NCOR1: variants seen among roughly 807,000 people sequenced by gnomAD.
NCOR1 encodes the protein nuclear receptor corepressor 1.
NCOR1 carries 63 observed loss-of-function variants against 288.1 expected under a neutral mutation model. The ratio of observed to expected loss-of-function variants is 0.22; its 90% confidence interval spans 0.18 to 0.27. The LOEUF (loss-of-function observed/expected upper bound fraction) is 0.27. Ranked by LOEUF, NCOR1 falls within the 10% of genes least tolerant of loss-of-function variation. The pLI is 1.00. For missense variants in NCOR1, 2,397 were observed against 3,019.2 expected (o/e 0.79, Z 4.83); for synonymous variants, 1,007 against 1,065.9 (o/e 0.94, Z 1.08).
At position 16,186,706 on chromosome 17, in the gene NCOR1, T is replaced by C; in HGVS notation, c.109-19A>G. ...CGAACTCCTAGTATTAAAATAATCA[T>C]AAATCAATTATTAACCAAAAACTGA... On this transcript the variant is annotated intron_variant, in intron 2 of 45. Transcript: ENST00000268712. The C allele has an allele frequency of 6.2e-7, 1 of 1,605,608 alleles. No homozygotes were observed. The highest frequency in any genetic ancestry group is 1.3e-5 in the African/African-American group (1 of 74,776).
At chr17:16,112,949 C>T (rs987066874) in intron 18 of NCOR1, among the ~76,000 whole-genome samples, 7 of 152,096 alleles carry the variant, frequency 4.6e-5, no homozygotes, top group Non-Finnish European at 8.8e-5. Flanking sequence ...CTCGCTCTGT[C>T]GCCTAGGCTG....
chr17:16,155,260 AG>A (rs2079536874), intron 6 of NCOR1, among the ~76,000 whole-genome samples: 1 of 151,376 alleles, frequency 6.6e-6, no homozygotes, highest in Non-Finnish European at 1.5e-5. Flanking sequence ...CTGAGGCGGG[AG>A]AATCACTTGA....
chr17:16,182,616 G>A (rs913236546), intron 3 of NCOR1, among the ~76,000 whole-genome samples: 6 of 151,948 alleles, frequency 3.9e-5, no homozygotes, highest in African/African-American at 9.7e-5. Context: ...CACCACGCCC[G>A]GCTAATGTTT....
chr17:16,071,883 C>T (rs1230895796), intron 29 of NCOR1, among the ~76,000 whole-genome samples: 1 of 152,046 alleles, frequency 6.6e-6, no homozygotes, highest in African/African-American at 2.4e-5. Context: ...TTTAGGGTTG[C>T]TTGAGATATG....
chr17:16,112,772 A>G (rs556462686), intron 18 of NCOR1, among the ~76,000 whole-genome samples: 1 of 152,296 alleles, frequency 6.6e-6, no homozygotes, highest in East Asian at 1.9e-4. Context: ...TAAAGGCGTG[A>G]GCCACTGCAC....
chr17:16,209,005 C>T (rs148611832), intron 1 of NCOR1, among the ~76,000 whole-genome samples: 1,688 of 152,188 alleles, frequency 0.011, 37 homozygotes, highest in African/African-American at 0.038. Context: ...ACTCTAGCTG[C>T]TAAGCTCATT....
At chr17:16,168,094 CAAAT>C (rs1186480916) in intron 4 of NCOR1, among the ~76,000 whole-genome samples, 3 of 152,012 alleles carry the variant, frequency 2.0e-5, no homozygotes, top group South Asian at 4.1e-4. Context: ...GTTTTACTAA[CAAAT>C]AATAAGTGTA....
intron 1 of NCOR1, among the ~76,000 whole-genome samples, chr17:16,199,216 A>AAAAAACACACACAC (rs1337668798): frequency 3.3e-5 from 4 of 122,320 alleles, no homozygotes; most frequent in Non-Finnish European, 4.9e-5. Context: ...AAAAAAAAAA[A>AAAAAACACACACAC]ACACACACAC....
At chr17:16,058,103 C>T in intron 38 of NCOR1, 39 bp from the exon 39 acceptor site, 1 of 1,598,750 alleles carries the variant, frequency 6.3e-7, no homozygotes, top group South Asian at 1.1e-5. Flanking sequence ...CCAGGAATGT[C>T]TGTGCTTTTC....
intron 9 of NCOR1, among the ~76,000 whole-genome samples, chr17:16,148,275 C>T (rs762222506): frequency 2.0e-5 from 3 of 152,128 alleles, no homozygotes; most frequent in Non-Finnish European, 4.4e-5. Flanking sequence ...TAAGCCACTC[C>T]CTCTGCGTAT....
intron 11 of NCOR1, among the ~76,000 whole-genome samples, chr17:16,141,949 A>T (rs1347529249): frequency 2.0e-5 from 3 of 152,168 alleles, no homozygotes; most frequent in Non-Finnish European, 4.4e-5. Flanking sequence ...AACTTGCAAA[A>T]CAGCCATTAA....
chr17:16,118,083 A>C lies in NCOR1; in HGVS notation c.1916-56T>G. 1.9e-6 allele frequency: 3 copies of C among 1,541,664 alleles called. No homozygotes were observed. In the South Asian group the frequency reaches 3.6e-5, roughly 19 times the overall value. The stretch of plus-strand genomic sequence containing the variant: ...TGAACAGTCACCTGATCAAGCAAAC[A>C]AGAGAAATAATAAATTAACTTAATC... On this transcript the variant is annotated intron_variant, in intron 17 of 45. Transcript: ENST00000268712.
chr17:16,183,188 C>T (rs1033357759), intron 3 of NCOR1, among the ~76,000 whole-genome samples: 1 of 129,146 alleles, frequency 7.7e-6, no homozygotes, highest in African/African-American at 3.1e-5. Flanking sequence ...GCAAACACTT[C>T]TAATCAACAT....
Position 16,075,539 on chromosome 17 carries a change from T to A in NCOR1, c.3665A>T (p.Tyr1222Phe). The A allele has an allele frequency of 6.2e-7, 1 of 1,614,148 alleles. No homozygotes were observed. Among genetic ancestry groups the A allele is most frequent in the Non-Finnish European group, 8.5e-7 (1 of 1,179,994 alleles). ...TGCATACATACAATACTTACTATCA[T>A]ATGACAAGATATGTCCACTTTTGCC... is the stretch of plus-strand genomic sequence containing the variant. ...YEGKSGHILS[Y>F]DNIKNAREGT... The change falls in exon 27 of 46, where the codon TAT (tyrosine) becomes TTT (phenylalanine). Residue 1222 changes from tyrosine to phenylalanine, a missense_variant. Around this residue, in one of 11 missense-constraint regions of NCOR1, gnomAD observed 1,872 missense variants for 2,187.8 expected, o/e 0.86. Transcript: ENST00000268712.
intron 23 of NCOR1, among the ~76,000 whole-genome samples, chr17:16,081,194 G>GT (rs1164505668): frequency 3.9e-4 from 55 of 139,900 alleles, no homozygotes; most frequent in African/African-American, 5.5e-4. Context: ...CTTTTCTTTT[G>GT]TTTTTTTTGT....
chr17:16,118,085 G>C, intron 17 of NCOR1, 58 bp from the exon 18 acceptor site: 2 of 1,537,258 alleles, frequency 1.3e-6, no homozygotes, highest in Non-Finnish European at 1.8e-6. Context: ...AAGCAAACAA[G>C]AGAAATAATA....
intron 5 of NCOR1, among the ~76,000 whole-genome samples, chr17:16,159,386 C>A (rs999945241): frequency 7.4e-6 from 1 of 135,436 alleles, no homozygotes; most frequent in Non-Finnish European, 1.5e-5. Context: ...GCACTCCAGC[C>A]TGGGCAACAA....
chr17:16,191,508 G>C (rs1379733854), intron 2 of NCOR1, among the ~76,000 whole-genome samples: 1 of 151,910 alleles, frequency 6.6e-6, no homozygotes, highest in Non-Finnish European at 1.5e-5. Flanking sequence ...AAATGTCACT[G>C]GATAAAATTA....
chr17:16,101,242 A>G lies in NCOR1; in HGVS notation c.2690+8T>C. 1 of 1,574,854 alleles carries G rather than the reference A, an allele frequency of 6.3e-7. No homozygotes were observed. The highest frequency in any genetic ancestry group is 2.2e-5 in the East Asian group (1 of 44,690). ...AAGCACGGGGAGGACTTATGGAACG[A>G]GCCTCACCTCTGCCTCTCTGGCTCT... On this transcript the variant is annotated splice_region_variant and intron_variant, in intron 20 of 45. Coordinates refer to ENST00000268712, the MANE Select transcript of NCOR1 (RefSeq NM_006311.4).
Sources: gnomAD v4.1 joint callset for allele counts (sites outside exome capture counted in the v4.1 genomes callset) on GRCh38, gnomAD v4.1.1 for gene constraint, gnomAD v4.1.1 regional missense constraint, MANE v1.5 for transcripts, NCBI Gene and HGNC (gene_info 2026-07-23, HGNC 2026-07-21) for gene names.